Variants in TENM2 observed in about 807,000 individuals in gnomAD.
The protein encoded by TENM2 is teneurin-2.
A neutral mutation model predicts 245.2 loss-of-function variants in TENM2; 52 were observed. The ratio of observed to expected loss-of-function variants is 0.21; its 90% CI spans 0.17 to 0.27. The LOEUF is 0.27. TENM2 is among the 10% of genes least tolerant of loss of function. The pLI is 1.00. For missense variants in TENM2, 3,046 were observed against 3,666.8 expected (o/e 0.83, Z 4.37); for synonymous variants, 1,363 against 1,438.9 (o/e 0.95, Z 1.19).
chr5:168,038,203 G>C (rs144312660), intron 5 of TENM2, among the ~76,000 whole-genome samples: 1 of 152,076 alleles, frequency 6.6e-6, no homozygotes, highest in Non-Finnish European at 1.5e-5. Context: ...CATAAAATTC[G>C]TAACAATTGC....
At chr5:168,263,107 T>C (rs1370634589), downstream of TENM2, 3 of 334,086 alleles carry the variant, frequency 9.0e-6, no homozygotes, top group Admixed American at 4.4e-5. Context: ...TTGTTCTGGG[T>C]CTACGCAGAA....
At chr5:168,117,655 G>A (rs576690346) in intron 9 of TENM2, among the ~76,000 whole-genome samples, 25 of 152,262 alleles carry the variant, frequency 1.6e-4, no homozygotes, top group Admixed American at 8.5e-4. Context: ...GTGAAACCGC[G>A]GATACAGGGG....
At chr5:167,543,890 A>T (rs1425272336) in intron 2 of TENM2, among the ~76,000 whole-genome samples, 1 of 152,108 alleles carries the variant, frequency 6.6e-6, no homozygotes, top group Non-Finnish European at 1.5e-5. Context: ...TCATCTTCCT[A>T]TAAGGACATA....
intron 2 of TENM2, among the ~76,000 whole-genome samples, chr5:167,707,867 G>A (rs1428212481): frequency 2.0e-5 from 3 of 152,150 alleles, no homozygotes; most frequent in African/African-American, 7.2e-5. Flanking sequence ...ACTCTACTTA[G>A]TAGAGACTCT....
the TENM2 span, among the ~76,000 whole-genome samples, chr5:167,070,284 A>ATTTTTTTTTTTTTTTTT: frequency 6.0e-5 from 6 of 99,348 alleles, no homozygotes; most frequent in East Asian, 3.2e-4. Context: ...CGCCCGGCTA[A>ATTTTTTTTTTTTTTTTT]TTTTTTTTTT....
intron 2 of TENM2, among the ~76,000 whole-genome samples, chr5:167,402,334 A>G (rs187470181): frequency 3.2e-4 from 48 of 152,286 alleles, no homozygotes; most frequent in African/African-American, 1.1e-3. Context: ...CATAGGTAGA[A>G]ACATTTACCC....
At chr5:167,044,053 G>C in the TENM2 span, among the ~76,000 whole-genome samples, 1 of 151,168 alleles carries the variant, frequency 6.6e-6, no homozygotes, top group Admixed American at 6.6e-5. Context: ...AGGAAGGAAG[G>C]AAGGAAGGAA....
rs369354902 is a variant in TENM2, at chr5:167,367,275, T to G, written c.227-7923T>G. Among the ~76,000 whole-genome samples, 3 of 152,200 alleles carry G rather than the reference T, an allele frequency of 2.0e-5. No homozygotes were observed. The East Asian group carries it at 5.8e-4, about 29-fold the overall frequency. The stretch of plus-strand genomic sequence containing the variant: ...TTGGACACATCAGAAGATATTTATA[T>G]AGATTAAAATAATGAGTCTAAAAGT... On this transcript the variant is annotated intron_variant, in intron 1 of 28. Transcript: ENST00000518659.
chr5:167,652,152 C>T (rs187844239), intron 2 of TENM2, among the ~76,000 whole-genome samples: 241 of 152,248 alleles, frequency 1.6e-3, no homozygotes, highest in Non-Finnish European at 2.9e-3. Context: ...CTAGACTATG[C>T]CAAGAGCGAG....
At chr5:167,889,258 G>T (rs145670788) in intron 3 of TENM2, among the ~76,000 whole-genome samples, 179 of 152,076 alleles carry the variant, frequency 1.2e-3, no homozygotes, top group African/African-American at 4.1e-3. Context: ...ATGCCTTTGC[G>T]TAAGTTATAA....
At chr5:167,223,343 C>A in the TENM2 span, among the ~76,000 whole-genome samples, 1 of 151,982 alleles carries the variant, frequency 6.6e-6, no homozygotes, top group African/African-American at 2.4e-5. Flanking sequence ...CGACCCCCAC[C>A]CCCATACACC....
At chr5:168,213,311 A>C (rs373058022) in intron 20 of TENM2, among the ~76,000 whole-genome samples, 3 of 152,332 alleles carry the variant, frequency 2.0e-5, no homozygotes, top group African/African-American at 7.2e-5. Flanking sequence ...AACGGGAATG[A>C]AAGACCATCT....
chr5:167,317,060 C>T (rs1756406190), intron 1 of TENM2, among the ~76,000 whole-genome samples: 1 of 152,104 alleles, frequency 6.6e-6, no homozygotes, highest in African/African-American at 2.4e-5. Context: ...ACATTGATAA[C>T]TTGTAGTATC....
intron 23 of TENM2, among the ~76,000 whole-genome samples, chr5:168,221,027 A>T (rs1763621188): frequency 6.6e-6 from 1 of 151,826 alleles, no homozygotes. Context: ...CATGAAAATC[A>T]CTTGAACTCA....
At chr5:167,966,009 C>A (rs1294411758) in intron 4 of TENM2, among the ~76,000 whole-genome samples, 1 of 152,046 alleles carries the variant, frequency 6.6e-6, no homozygotes, top group Non-Finnish European at 1.5e-5. Flanking sequence ...TGGCATAAGG[C>A]GAGAAATGAT....
At chr5:167,677,089 G>T (rs954720520) in intron 2 of TENM2, among the ~76,000 whole-genome samples, 3 of 152,088 alleles carry the variant, frequency 2.0e-5, no homozygotes, top group Non-Finnish European at 4.4e-5. Context: ...GAGGACAAAG[G>T]AATGTCATCA....
chr5:167,482,993 T>C (rs1767848432), intron 2 of TENM2, among the ~76,000 whole-genome samples: 1 of 152,258 alleles, frequency 6.6e-6, no homozygotes, highest in Non-Finnish European at 1.5e-5. Flanking sequence ...TCAGCTTCTT[T>C]CACTTTTCAA....
intron 4 of TENM2, among the ~76,000 whole-genome samples, chr5:167,958,108 A>G (rs139229964): frequency 8.1e-4 from 123 of 152,268 alleles, no homozygotes; most frequent in African/African-American, 2.9e-3. Context: ...GTGGGAGTCT[A>G]AGTTGCTTTG....
intron 5 of TENM2, among the ~76,000 whole-genome samples, chr5:168,020,535 G>C (rs994249303): frequency 3.3e-5 from 5 of 152,166 alleles, no homozygotes; most frequent in East Asian, 1.9e-4. Flanking sequence ...GTTTTCATGA[G>C]AGTATCATTC....
Sources: allele counts gnomAD v4.1 joint callset (sites outside exome capture counted in the v4.1 genomes callset), GRCh38; gene constraint gnomAD v4.1.1; transcripts MANE v1.5; gene names NCBI Gene and HGNC (gene_info 2026-07-23, HGNC 2026-07-21).